Variants in MUSK observed in about 807,000 individuals in gnomAD.
The protein encoded by MUSK is muscle, skeletal receptor tyrosine-protein kinase.
Under a neutral mutation model 88.7 loss-of-function variants are expected in MUSK, and 55 were observed. The ratio of observed to expected loss-of-function variants is 0.62; its 90% confidence interval spans 0.50 to 0.78. The LOEUF (loss-of-function observed/expected upper bound fraction) is 0.78, where lower values mean the gene tolerates loss of function less well. Ranked by LOEUF, MUSK falls within the 30% of genes least tolerant of loss-of-function variation. The pLI, the probability that MUSK is intolerant of heterozygous loss-of-function variation, is 0.00. For missense variants in MUSK, 1,015 were observed against 1,074.3 expected, an observed-to-expected ratio of 0.94 and a Z score of 0.77; for synonymous variants, 387 against 391.9, an observed-to-expected ratio of 0.99 and a Z score of 0.15.
intron 11 of MUSK, among the ~76,000 whole-genome samples, chr9:110,780,510 C>T (rs772880642): frequency 6.6e-6 from 1 of 152,202 alleles, no homozygotes; most frequent in Non-Finnish European, 1.5e-5. Context: ...TATTAAGAGT[C>T]TCCTCATGTA....
intron 8 of MUSK, among the ~76,000 whole-genome samples, chr9:110,763,611 G>A (rs1588007764): frequency 6.6e-6 from 1 of 152,296 alleles, no homozygotes; most frequent in Admixed American, 6.5e-5. Context: ...TACCTTTGTT[G>A]GGAATGTTCA....
At chr9:110,765,644 G>C (rs1311779337) in intron 8 of MUSK, among the ~76,000 whole-genome samples, 1 of 152,108 alleles carries the variant, frequency 6.6e-6, no homozygotes, top group East Asian at 1.9e-4. Context: ...TGCAATCTCA[G>C]CTCACTGCAA....
In MUSK at chr9:110,806,268, G is replaced by T. The variant is rs1216190132; in HGVS notation, c.*5280G>T. Among the ~76,000 whole-genome samples, 1 of 151,982 alleles carries T rather than the reference G, an allele frequency of 6.6e-6. No homozygotes were observed. Among genetic ancestry groups the T allele is most frequent in the Non-Finnish European group, 1.5e-5 (1 of 67,968 alleles). ...ATATGTTAACTTCTAATGTTATATTGTTTATCACAACTTTCACAAATATTT... is the reference window on the plus strand; with the variant it reads ...ATATGTTAACTTCTAATGTTATATTTTTTATCACAACTTTCACAAATATTT... On this transcript the variant is annotated 3_prime_UTR_variant, in exon 15 of 15. Transcript: ENST00000374448.
intron 6 of MUSK, among the ~76,000 whole-genome samples, chr9:110,742,039 C>T (rs1039006572): frequency 6.6e-6 from 1 of 152,168 alleles, no homozygotes; most frequent in African/African-American, 2.4e-5. Flanking sequence ...TTCTTTACCT[C>T]TCTAAGAACG....
intron 1 of MUSK, among the ~76,000 whole-genome samples, chr9:110,675,894 C>T (rs2076021252): frequency 6.6e-6 from 1 of 152,088 alleles, no homozygotes; most frequent in East Asian, 1.9e-4. Context: ...AAGCATTCAA[C>T]ATCATCAATT....
In MUSK at chr9:110,768,008, C is replaced by G; in HGVS notation, c.1109C>G (p.Ala370Gly). The G allele has an allele frequency of 6.2e-7, 1 of 1,613,990 alleles. No homozygotes were observed. The highest frequency in any genetic ancestry group is 8.5e-7 in the Non-Finnish European group (1 of 1,179,878). The change falls in exon 9 of 15, where the codon GCT (alanine) becomes GGT (glycine). Residue 370 changes from alanine to glycine, a missense_variant. Physicochemically the swap from Ala to Gly is moderately conservative, Grantham distance 60 (BLOSUM62 0). Coordinates refer to ENST00000374448, the MANE Select transcript of MUSK (RefSeq NM_005592.4). ...KVVSPVCRPA[A>G]EALLCNHIFQ... is the part of the protein sequence containing the mutation. ...GTGAGCCCAGTCTGCCGGCCAGCTG[C>G]TGAGGCTTTGTTGTGTAACCACATC...
intron 11 of MUSK, among the ~76,000 whole-genome samples, chr9:110,781,323 C>T (rs1156954886): frequency 6.6e-6 from 1 of 152,074 alleles, no homozygotes; most frequent in African/African-American, 2.4e-5. Flanking sequence ...GTCGCCCAGG[C>T]TGGAGTGCAG....
intron 5 of MUSK, among the ~76,000 whole-genome samples, chr9:110,732,900 CA>C (rs2076983447): frequency 6.6e-6 from 1 of 152,002 alleles, no homozygotes; most frequent in South Asian, 2.1e-4. Context: ...TCAAACAAAT[CA>C]AATGTTCCTT....
intron 6 of MUSK, among the ~76,000 whole-genome samples, chr9:110,739,911 A>G (rs1013124777): frequency 6.6e-6 from 1 of 152,160 alleles, no homozygotes; most frequent in African/African-American, 2.4e-5. Flanking sequence ...AGGCTGTCCA[A>G]CTTTTTGGTA....
intron 11 of MUSK, among the ~76,000 whole-genome samples, chr9:110,779,451 C>T (rs2077719772): frequency 6.6e-6 from 1 of 152,140 alleles, no homozygotes; most frequent in African/African-American, 2.4e-5. Flanking sequence ...CTCAATCTCT[C>T]TGTAGTCTTC....
At chr9:110,734,625 GAAGTGGTAATAATATCTTCC>G (rs1564253569) in intron 6 of MUSK, among the ~76,000 whole-genome samples, 1 of 152,068 alleles carries the variant, frequency 6.6e-6, no homozygotes, top group African/African-American at 2.4e-5. Context: ...GTGTAAATGG[GAAGTGGTAATAATATCTTCC>G]CATATAAGTA....
At chr9:110,712,062 T>C (rs539091739) in intron 5 of MUSK, among the ~76,000 whole-genome samples, 5 of 151,978 alleles carry the variant, frequency 3.3e-5, no homozygotes, top group Non-Finnish European at 7.4e-5. Context: ...GATCTATAAA[T>C]GGGTCTGTCC....
At chr9:110,699,272 CT>C (rs1158251929) in intron 5 of MUSK, among the ~76,000 whole-genome samples, 2 of 152,024 alleles carry the variant, frequency 1.3e-5, no homozygotes, top group Non-Finnish European at 2.9e-5. Context: ...ATTAAATTTG[CT>C]AGAACTGAGA....
At chr9:110,723,992 G>A (rs1333732280) in intron 5 of MUSK, among the ~76,000 whole-genome samples, 1 of 151,620 alleles carries the variant, frequency 6.6e-6, no homozygotes, top group Non-Finnish European at 1.5e-5. Context: ...CTTTCTCTCT[G>A]GCCTCAGGGC....
intron 6 of MUSK, among the ~76,000 whole-genome samples, chr9:110,739,233 T>C (rs2077067197): frequency 2.0e-5 from 3 of 152,198 alleles, no homozygotes; most frequent in Admixed American, 1.3e-4. Flanking sequence ...GTTATGATTA[T>C]GGCTTATTGC....
At chr9:110,798,803 T>C (rs940744095) in intron 14 of MUSK, among the ~76,000 whole-genome samples, 6 of 152,184 alleles carry the variant, frequency 3.9e-5, no homozygotes, top group African/African-American at 1.4e-4. Flanking sequence ...TATATACATA[T>C]ATAATTGTAA....
At chr9:110,705,851 C>G (rs917225456) in intron 5 of MUSK, among the ~76,000 whole-genome samples, 1 of 152,100 alleles carries the variant, frequency 6.6e-6, no homozygotes. Context: ...CCAAAGGGCT[C>G]TAGGAGAGGA....
chr9:110,738,673 C>T (rs945894347), intron 6 of MUSK, among the ~76,000 whole-genome samples: 4 of 152,160 alleles, frequency 2.6e-5, no homozygotes, highest in Non-Finnish European at 5.9e-5. Flanking sequence ...CTCTTTATGA[C>T]CCCAGAAGGG....
chr9:110,764,642 G>A (rs2077451479), intron 8 of MUSK, among the ~76,000 whole-genome samples: 1 of 150,264 alleles, frequency 6.7e-6, no homozygotes, highest in African/African-American at 2.5e-5. Flanking sequence ...TAGATAGGTA[G>A]GTAGATCATC....
Sources: gnomAD v4.1 joint callset for allele counts (sites outside exome capture counted in the v4.1 genomes callset) on GRCh38, gnomAD v4.1.1 for gene constraint, MANE v1.5 for transcripts, NCBI Gene and HGNC (gene_info 2026-07-23, HGNC 2026-07-21) for gene names.